Variants in PDE1A observed in about 807,000 individuals in gnomAD.
The protein encoded by PDE1A is dual specificity calcium/calmodulin-dependent 3',5'-cyclic nucleotide phosphodiesterase 1A.
PDE1A carries 35 observed loss-of-function variants against 61.7 expected under a neutral mutation model. The observed-to-expected ratio is 0.57, with a 90% CI of 0.43 to 0.75. The LOEUF is 0.75. Among genes scored for constraint, PDE1A ranks in the 30% least tolerant of loss-of-function variants. The pLI, the probability that PDE1A is intolerant of heterozygous loss-of-function variation, is 0.00. For missense variants in PDE1A, 597 were observed against 630.6 expected (o/e 0.95, Z 0.57); for synonymous variants, 232 against 213.2 (o/e 1.09, Z -0.77).
At chr2:182,290,939 T>C (rs1339155649) in intron 1 of PDE1A, among the ~76,000 whole-genome samples, 1 of 152,060 alleles carries the variant, frequency 6.6e-6, no homozygotes, top group Non-Finnish European at 1.5e-5. Flanking sequence ...GGCACCAACA[T>C]TCGCCCAGTC....
chr2:182,380,340 C>CTGATCTCG (rs1003449133), intron 1 of PDE1A, among the ~76,000 whole-genome samples: 1 of 151,986 alleles, frequency 6.6e-6, no homozygotes, highest in African/African-American at 2.4e-5. Context: ...TCTCGATCTC[C>CTGATCTCG]TGATCTCGTG....
At chr2:182,445,482 T>C (rs2125694592) in intron 2 of PDE1A, among the ~76,000 whole-genome samples, 1 of 152,212 alleles carries the variant, frequency 6.6e-6, no homozygotes, top group East Asian at 1.9e-4. Flanking sequence ...GTGATTTCCT[T>C]CAGGAGAGTT....
At chr2:182,387,792 T>G (rs941608480) in intron 1 of PDE1A, among the ~76,000 whole-genome samples, 2 of 150,632 alleles carry the variant, frequency 1.3e-5, no homozygotes, top group Non-Finnish European at 3.0e-5. Context: ...AAAGAAAGAA[T>G]CACTCTACAA....
chr2:182,324,479 C>G (rs1199098672), intron 1 of PDE1A, among the ~76,000 whole-genome samples: 1 of 151,936 alleles, frequency 6.6e-6, no homozygotes, highest in Non-Finnish European at 1.5e-5. Flanking sequence ...TCATAATTAC[C>G]TGTATATGAG....
intron 1 of PDE1A, among the ~76,000 whole-genome samples, chr2:182,269,261 G>C (rs988610650): frequency 2.6e-5 from 4 of 152,070 alleles, no homozygotes; most frequent in Non-Finnish European, 5.9e-5. Context: ...GGCCGAAGCG[G>C]GTGGATCACC....
At chr2:182,440,841 C>A (rs1191054491) in intron 2 of PDE1A, among the ~76,000 whole-genome samples, 1 of 151,692 alleles carries the variant, frequency 6.6e-6, no homozygotes, top group East Asian at 1.9e-4. Context: ...TGCTCAAGCA[C>A]CAAACTGGTT....
chr2:182,400,035 C>T (rs1200812106), intron 1 of PDE1A, among the ~76,000 whole-genome samples: 1 of 152,028 alleles, frequency 6.6e-6, no homozygotes, highest in Non-Finnish European at 1.5e-5. Flanking sequence ...TTTCCTTTGC[C>T]CACAATGAAT....
At chr2:182,638,165 T>C in the PDE1A span, among the ~76,000 whole-genome samples, 1 of 152,190 alleles carries the variant, frequency 6.6e-6, no homozygotes, top group South Asian at 2.1e-4. Flanking sequence ...AGATGTTAAA[T>C]AGAGGAAAAA....
Position 182,482,241 on chromosome 2 carries a change from T to A in PDE1A, c.101+40035A>T, listed in dbSNP as rs1006143845. Among the ~76,000 whole-genome samples the A allele has an allele frequency of 2.0e-5, 3 of 152,080 alleles. No individual in the cohort carries two copies. The East Asian group carries it at 5.8e-4, about 29-fold the overall frequency. ...AAAACCTGAGACTTTATAAGATTTATATAACTTTTAGGTTATCACCTAGTT... is the reference window on the plus strand; with the variant it reads ...AAAACCTGAGACTTTATAAGATTTAAATAACTTTTAGGTTATCACCTAGTT... On this transcript the variant is annotated intron_variant, in intron 2 of 14. Transcript: ENST00000410103.
At chr2:182,271,072 T>C (rs1329212414) in intron 1 of PDE1A, among the ~76,000 whole-genome samples, 1 of 150,596 alleles carries the variant, frequency 6.6e-6, no homozygotes. Flanking sequence ...TTGAACACAA[T>C]GAAAACAAAC....
chr2:182,414,476 T>G (rs931180092), intron 1 of PDE1A, among the ~76,000 whole-genome samples: 2 of 152,130 alleles, frequency 1.3e-5, no homozygotes, highest in African/African-American at 4.8e-5. Flanking sequence ...AATGTCCTAA[T>G]GTTTGTTTAC....
chr2:182,579,746 C>T, the PDE1A span, among the ~76,000 whole-genome samples: 3 of 151,872 alleles, frequency 2.0e-5, no homozygotes, highest in Non-Finnish European at 4.4e-5. Context: ...GAGAAATGAG[C>T]ATTTTAAATC....
chr2:182,527,702 G>A (rs559492143), upstream of PDE1A, among the ~76,000 whole-genome samples: 4 of 152,238 alleles, frequency 2.6e-5, no homozygotes, highest in South Asian at 8.3e-4. Flanking sequence ...GTTTGGCTGT[G>A]TTCCCATCCA....
At chr2:182,428,883 A>T (rs1379696575), upstream of PDE1A, among the ~76,000 whole-genome samples, 2 of 152,126 alleles carry the variant, frequency 1.3e-5, no homozygotes, top group African/African-American at 4.8e-5. Flanking sequence ...CAATTTCTAC[A>T]TGAACACAAT....
chr2:182,205,835 TA>T, intron 8 of PDE1A, 104 bp downstream of exon 8: 1 of 963,362 alleles, frequency 1.0e-6, no homozygotes, highest in Non-Finnish European at 1.6e-6. Context: ...ATTAAGTTTG[TA>T]ATTTGGGGAA....
the PDE1A span, among the ~76,000 whole-genome samples, chr2:182,551,898 T>C: frequency 5.3e-5 from 8 of 152,168 alleles, no homozygotes; most frequent in Non-Finnish European, 1.0e-4. Flanking sequence ...TCTGGACCTC[T>C]TTCAAGAAGG....
At chr2:182,399,550 C>A (rs557528904) in intron 1 of PDE1A, among the ~76,000 whole-genome samples, 28 of 151,910 alleles carry the variant, frequency 1.8e-4, no homozygotes, top group Non-Finnish European at 3.7e-4. Context: ...CAATATCATC[C>A]CTCTAAGCTT....
chr2:182,492,768 A>G (rs868336834), intron 2 of PDE1A, among the ~76,000 whole-genome samples: 24 of 152,296 alleles, frequency 1.6e-4, no homozygotes, highest in African/African-American at 5.5e-4. Context: ...TTATTGTTAT[A>G]TTTTTAAAAC....
intron 1 of PDE1A, among the ~76,000 whole-genome samples, chr2:182,279,939 T>G (rs1693691750): frequency 6.6e-6 from 1 of 151,854 alleles, no homozygotes; most frequent in Non-Finnish European, 1.5e-5. Context: ...GGATACCACC[T>G]ATTGGCCTCC....
Sources: allele counts gnomAD v4.1 joint callset (sites outside exome capture counted in the v4.1 genomes callset), GRCh38; gene constraint gnomAD v4.1.1; transcripts MANE v1.5; gene names NCBI Gene and HGNC (gene_info 2026-07-23, HGNC 2026-07-21).